The following ERBB4 variants were observed in gnomAD, a reference collection of about 807,000 sequenced individuals.
The protein encoded by ERBB4 is erb-b2 receptor tyrosine kinase 4.
A neutral mutation model predicts 158.0 loss-of-function variants in ERBB4; 42 were observed. The observed-to-expected ratio is 0.27, with a 90% CI of 0.21 to 0.34. The LOEUF is 0.34. ERBB4 is among the 10% of genes least tolerant of loss of function. The pLI, the probability that ERBB4 is intolerant of heterozygous loss-of-function variation, is 1.00. For synonymous variants in ERBB4, 583 were observed against 558.7 expected (o/e 1.04, Z -0.61); for missense variants, 1,333 against 1,624.1 (o/e 0.82, Z 3.08).
chr2:212,259,067 T>C (rs1448980496), intron 1 of ERBB4, among the ~76,000 whole-genome samples: 1 of 152,174 alleles, frequency 6.6e-6, no homozygotes, highest in African/African-American at 2.4e-5. Context: ...TTCTTCCAAC[T>C]TTTAAATATA....
intron 1 of ERBB4, among the ~76,000 whole-genome samples, chr2:212,313,225 G>T (rs544538393): frequency 6.6e-6 from 1 of 150,682 alleles, no homozygotes; most frequent in Non-Finnish European, 1.5e-5. Context: ...ACACAAATTA[G>T]AAATTGAAAA....
At chr2:212,300,914 T>A (rs970514552) in intron 1 of ERBB4, among the ~76,000 whole-genome samples, 1 of 151,470 alleles carries the variant, frequency 6.6e-6, no homozygotes, top group Non-Finnish European at 1.5e-5. Context: ...TTCACTCAGG[T>A]CTCTATAAAG....
intron 25 of ERBB4, among the ~76,000 whole-genome samples, chr2:211,389,464 TTAAC>T (rs1391728796): frequency 6.6e-6 from 1 of 152,206 alleles, no homozygotes; most frequent in African/African-American, 2.4e-5. Flanking sequence ...ATAATCTCCC[TTAAC>T]TAACTTAGTC....
At chr2:211,401,688 A>G (rs911678404) in intron 25 of ERBB4, among the ~76,000 whole-genome samples, 18 of 152,094 alleles carry the variant, frequency 1.2e-4, no homozygotes, top group Non-Finnish European at 2.5e-4. Flanking sequence ...AGATTTTAAA[A>G]ACAAATAAAC....
Position 212,342,840 on chromosome 2 carries a change from T to C in ERBB4, c.82+195609A>G, listed in dbSNP as rs2088789304. Among the ~76,000 whole-genome samples, 4 of 152,234 alleles carry C rather than the reference T, an allele frequency of 2.6e-5. No individual in the cohort carries two copies. The South Asian group carries it at 6.2e-4, about 24-fold the overall frequency. On this transcript the variant is annotated intron_variant, in intron 1 of 27. Coordinates refer to ENST00000342788, the MANE Select transcript of ERBB4 (RefSeq NM_005235.3). The stretch of plus-strand genomic sequence containing the variant: ...ATATTAGAACTTTGTAAACACATTT[T>C]AAAAGTAGTATTCTTCTTATTCATA...
At chr2:212,386,844 A>G (rs2106426810) in intron 1 of ERBB4, among the ~76,000 whole-genome samples, 1 of 152,148 alleles carries the variant, frequency 6.6e-6, no homozygotes, top group Middle Eastern at 3.4e-3. Context: ...AGGTCATTAA[A>G]TTGTCTTGAA....
At chr2:212,059,111 A>G (rs1226432557) in intron 2 of ERBB4, among the ~76,000 whole-genome samples, 4 of 152,192 alleles carry the variant, frequency 2.6e-5, no homozygotes, top group Admixed American at 2.6e-4. Context: ...TACAAAATCA[A>G]TGGGCAAAAA....
chr2:212,440,628 T>C (rs2092234082), intron 1 of ERBB4, among the ~76,000 whole-genome samples: 1 of 151,962 alleles, frequency 6.6e-6, no homozygotes. Flanking sequence ...GTTTCTAGAG[T>C]TGGCTGCTTA....
At chr2:212,072,354 C>G (rs898502401) in intron 2 of ERBB4, among the ~76,000 whole-genome samples, 2 of 151,920 alleles carry the variant, frequency 1.3e-5, no homozygotes, top group Admixed American at 1.3e-4. Flanking sequence ...GGGTGAGTGA[C>G]AGGTAGTAGC....
chr2:212,323,341 A>G (rs1159860043), intron 1 of ERBB4, among the ~76,000 whole-genome samples: 1 of 150,482 alleles, frequency 6.6e-6, no homozygotes, highest in African/African-American at 2.4e-5. Flanking sequence ...TCTAATTCTG[A>G]TTTTTATCTA....
chr2:211,917,575 C>T (rs550289787), intron 3 of ERBB4, among the ~76,000 whole-genome samples: 53 of 152,266 alleles, frequency 3.5e-4, no homozygotes, highest in African/African-American at 1.3e-3. Context: ...GTGCCAGAAC[C>T]TGCCTTTTTA....
At chr2:212,076,475 AAAAT>A (rs1189082257) in intron 2 of ERBB4, among the ~76,000 whole-genome samples, 1 of 151,998 alleles carries the variant, frequency 6.6e-6, no homozygotes, top group Admixed American at 6.6e-5. Context: ...TACACATCAG[AAAAT>A]AAATAAAATA....
chr2:212,495,520 G>A (rs1040673695), intron 1 of ERBB4, among the ~76,000 whole-genome samples: 2 of 152,112 alleles, frequency 1.3e-5, no homozygotes, highest in African/African-American at 4.8e-5. Flanking sequence ...TAAACCATCT[G>A]GTCCCAAGTT....
chr2:211,668,354 T>C (rs931668557), intron 14 of ERBB4, among the ~76,000 whole-genome samples: 8 of 152,188 alleles, frequency 5.3e-5, no homozygotes, highest in Admixed American at 2.0e-4. Flanking sequence ...TGATTCCCCA[T>C]CTCATTTCCA....
At chr2:212,023,111 A>G (rs2076693731) in intron 2 of ERBB4, among the ~76,000 whole-genome samples, 1 of 152,142 alleles carries the variant, frequency 6.6e-6, no homozygotes, top group Non-Finnish European at 1.5e-5. Context: ...GTATAGAGAA[A>G]AGTATGAGAA....
chr2:212,456,879 A>T (rs1381209226), intron 1 of ERBB4, among the ~76,000 whole-genome samples: 1 of 151,956 alleles, frequency 6.6e-6, no homozygotes, highest in Non-Finnish European at 1.5e-5. Flanking sequence ...GACAGACAAA[A>T]TTGATTATAA....
At chr2:211,639,450 A>T (rs1248647017) in intron 16 of ERBB4, among the ~76,000 whole-genome samples, 2 of 152,214 alleles carry the variant, frequency 1.3e-5, no homozygotes, top group African/African-American at 4.8e-5. Flanking sequence ...AGAAAGTATT[A>T]CATAAACACT....
chr2:212,525,664 AC>A (rs144639773), intron 1 of ERBB4, among the ~76,000 whole-genome samples: 15,692 of 151,974 alleles, frequency 0.1, 2,135 homozygotes, highest in African/African-American at 0.32. Context: ...ACATTTTCTC[AC>A]ACTAGTTAAA....
intron 2 of ERBB4, among the ~76,000 whole-genome samples, chr2:212,120,492 G>C (rs765693445): frequency 6.6e-6 from 1 of 152,110 alleles, no homozygotes; most frequent in Non-Finnish European, 1.5e-5. Flanking sequence ...TATTTACTAT[G>C]TCTTATCACT....
Sources: allele counts gnomAD v4.1 joint callset (sites outside exome capture counted in the v4.1 genomes callset), GRCh38; gene constraint gnomAD v4.1.1; transcripts MANE v1.5; gene names NCBI Gene and HGNC (gene_info 2026-07-23, HGNC 2026-07-21).